Variants in DACH2 observed in about 807,000 individuals in gnomAD.
DACH2 encodes the protein dachshund homolog 2.
DACH2 carries 17 observed loss-of-function variants against 35.8 expected under a neutral mutation model. That is an observed-to-expected ratio of 0.48 (90% CI 0.33 to 0.71). The LOEUF is 0.71. Among genes scored for constraint, DACH2 ranks in the 30% least tolerant of loss-of-function variants. DACH2 has a pLI of 0.02. For synonymous variants in DACH2, 195 were observed against 177.3 expected, an observed-to-expected ratio of 1.10 and a Z score of -0.79; for missense variants, 469 against 472.7, an observed-to-expected ratio of 0.99 and a Z score of 0.07.
intron 4 of DACH2, among the ~76,000 whole-genome samples, chrX:86,684,129 C>T (rs1172179149): frequency 3.6e-5 from 4 of 111,748 alleles, no homozygotes; most frequent in Non-Finnish European, 7.5e-5. Context: ...AGAAAACTTT[C>T]TGTGTGAGTA....
intron 1 of DACH2, among the ~76,000 whole-genome samples, chrX:86,357,180 C>A (rs745576169): frequency 8.9e-6 from 1 of 112,405 alleles, no homozygotes; most frequent in South Asian, 3.6e-4. Flanking sequence ...GTTAGAAACA[C>A]AACCAACTAT....
chrX:86,314,467 A>G (rs765968069), intron 1 of DACH2, among the ~76,000 whole-genome samples: 2 of 111,074 alleles, frequency 1.8e-5, no homozygotes, highest in Non-Finnish European at 3.8e-5. Context: ...GCAGTGAGCC[A>G]TGAGTGTGCC....
intron 5 of DACH2, among the ~76,000 whole-genome samples, chrX:86,695,900 A>C (rs2041063691): frequency 9.0e-6 from 1 of 111,418 alleles, no homozygotes; most frequent in Non-Finnish European, 1.9e-5. Flanking sequence ...TAGACTGTGG[A>C]TAAAAATACA....
chrX:86,832,533 T>C lies in DACH2; in HGVS notation c.*378T>C. ...TTTCCCTGTTCTACTATACATAACG[T>C]TAAAGTACACCTTCTTTGTTAAAAA... is the stretch of plus-strand genomic sequence containing the variant. On this transcript the variant is annotated 3_prime_UTR_variant, in exon 12 of 12. Transcript: ENST00000373125. The C allele has an allele frequency of 7.5e-6, 1 of 134,094 alleles. No individual in the cohort carries two copies. 11.1% of individuals were successfully genotyped at this position (134,094 alleles called of 1,213,427 possible).
intron 2 of DACH2, among the ~76,000 whole-genome samples, chrX:86,501,051 A>G (rs1166583467): frequency 1.4e-4 from 16 of 111,816 alleles, no homozygotes; most frequent in Non-Finnish European, 5.6e-5. Flanking sequence ...AAATAAATTG[A>G]TTTGTCTTCC....
At chrX:86,614,282 C>T (rs986037234) in intron 3 of DACH2, among the ~76,000 whole-genome samples, 4 of 111,212 alleles carry the variant, frequency 3.6e-5, no homozygotes, top group Non-Finnish European at 7.6e-5. Context: ...TTATATTCTG[C>T]CTCCAAAAAG....
chrX:86,765,698 G>GTTTTTTTTTTTTTTTTTTTTTTTTTTTTT (rs60709865), intron 7 of DACH2, among the ~76,000 whole-genome samples: 1 of 24,637 alleles, frequency 4.1e-5, no homozygotes, highest in Non-Finnish European at 6.5e-5. Context: ...TTGTTTTTTG[G>GTTTTTTTTTTTTTTTTTTTTTTTTTTTTT]TTTTTTTTTT....
chrX:86,411,897 C>G (rs1288520478), intron 2 of DACH2, among the ~76,000 whole-genome samples: 1 of 110,956 alleles, frequency 9.0e-6, no homozygotes, highest in Non-Finnish European at 1.9e-5. Context: ...AATCTTCATT[C>G]CTGAGGTATC....
intron 1 of DACH2, among the ~76,000 whole-genome samples, chrX:86,232,606 A>T (rs1030328931): frequency 1.8e-5 from 2 of 112,376 alleles, no homozygotes; most frequent in Non-Finnish European, 3.8e-5. Context: ...CTAAATATCA[A>T]TAATTATTAG....
chrX:86,780,214 A>G (rs1234350914), intron 7 of DACH2, among the ~76,000 whole-genome samples: 1 of 109,768 alleles, frequency 9.1e-6, no homozygotes, highest in African/African-American at 3.3e-5. Flanking sequence ...AACTACAAAT[A>G]TTAAAGAAAC....
At chrX:86,703,005 A>G (rs778354619) in intron 5 of DACH2, among the ~76,000 whole-genome samples, 2 of 111,264 alleles carry the variant, frequency 1.8e-5, no homozygotes, top group Non-Finnish European at 3.8e-5. Context: ...ATGAACCTAA[A>G]TGAAAAAATC....
chrX:86,719,921 T>C (rs900087797), intron 6 of DACH2, among the ~76,000 whole-genome samples: 2 of 75,927 alleles, frequency 2.6e-5, no homozygotes, highest in African/African-American at 1.0e-4. Flanking sequence ...AAATCTTTTT[T>C]TTTCTTTTTT....
At chrX:86,420,957 A>G (rs911413601) in intron 2 of DACH2, among the ~76,000 whole-genome samples, 1 of 111,046 alleles carries the variant, frequency 9.0e-6, no homozygotes, top group African/African-American at 3.3e-5. Flanking sequence ...ATCAAGCCCA[A>G]AGAAAAATAT....
At chrX:86,337,348 A>T (rs2035330792) in intron 1 of DACH2, among the ~76,000 whole-genome samples, 1 of 112,384 alleles carries the variant, frequency 8.9e-6, no homozygotes, top group Non-Finnish European at 1.9e-5. Context: ...TTACCCATAA[A>T]GGGAAGCCTA....
rs752355207 is a variant in DACH2, at chrX:86,325,113, G to A, written c.489-51711G>A. Among the ~76,000 whole-genome samples, 7 of 111,377 alleles carry A rather than the reference G, an allele frequency of 6.3e-5. No homozygotes were observed. In the East Asian group the frequency reaches 2.0e-3, roughly 31 times the overall value. ...TGGGAAAGAAAAAAAATTGTGACTT[G>A]GTTTATTGTGATATTTACTTTTTTG... On this transcript the variant is annotated intron_variant, in intron 1 of 11. Transcript: ENST00000373125.
chrX:86,604,302 G>C (rs1279587353), intron 3 of DACH2, among the ~76,000 whole-genome samples: 1 of 110,705 alleles, frequency 9.0e-6, no homozygotes, highest in African/African-American at 3.3e-5. Flanking sequence ...TTATTTTAGT[G>C]TTTGCCCTGG....
chrX:86,720,461 G>C (rs911429506), intron 6 of DACH2, among the ~76,000 whole-genome samples: 9 of 111,727 alleles, frequency 8.1e-5, no homozygotes, highest in Non-Finnish European at 1.5e-4. Flanking sequence ...CCATATACAA[G>C]TCCGCAATCC....
intron 3 of DACH2, among the ~76,000 whole-genome samples, chrX:86,571,766 G>A (rs2039373381): frequency 9.1e-6 from 1 of 110,497 alleles, no homozygotes; most frequent in Admixed American, 9.7e-5. Flanking sequence ...TTAAATTAAA[G>A]TAATTAATTT....
intron 1 of DACH2, among the ~76,000 whole-genome samples, chrX:86,300,329 T>C (rs1004749882): frequency 1.8e-5 from 2 of 112,327 alleles, no homozygotes; most frequent in Non-Finnish European, 3.8e-5. Context: ...ACTTTACTAA[T>C]GGATTTTCTC....
Sources: allele counts gnomAD v4.1 joint callset (sites outside exome capture counted in the v4.1 genomes callset), GRCh38; gene constraint gnomAD v4.1.1; transcripts MANE v1.5; gene names NCBI Gene and HGNC (gene_info 2026-07-23, HGNC 2026-07-21).